MICU1: variants seen among roughly 807,000 people sequenced by gnomAD.
The protein encoded by MICU1 is calcium uptake protein 1, mitochondrial.
Under a neutral mutation model 56.8 loss-of-function variants are expected in MICU1, and 45 were observed. The observed-to-expected ratio is 0.79, with a 90% CI of 0.62 to 1.02. The LOEUF (loss-of-function observed/expected upper bound fraction) is 1.02, where lower values mean the gene tolerates loss of function less well. Among genes scored for constraint, MICU1 ranks in the 50% least tolerant of loss-of-function variants. The pLI is 0.00. For synonymous variants in MICU1, 186 were observed against 195.1 expected (o/e 0.95, Z 0.39); for missense variants, 504 against 587.1 (o/e 0.86, Z 1.46).
intron 1 of MICU1, among the ~76,000 whole-genome samples, chr10:72,594,925 C>CA (rs57504317): frequency 1.9e-3 from 95 of 50,744 alleles, no homozygotes; most frequent in African/African-American, 3.8e-3. Flanking sequence ...AAGTACAATC[C>CA]AAAAAAAAAA....
At chr10:72,595,623 C>T (rs1589376462) in intron 1 of MICU1, among the ~76,000 whole-genome samples, 1 of 152,264 alleles carries the variant, frequency 6.6e-6, no homozygotes, top group Middle Eastern at 3.4e-3. Context: ...TTCTTCCACA[C>T]TTCTGACTAC....
intron 1 of MICU1, among the ~76,000 whole-genome samples, chr10:72,605,215 C>T (rs1488670478): frequency 6.6e-6 from 1 of 152,116 alleles, no homozygotes; most frequent in African/African-American, 2.4e-5. Context: ...AACGCATTAG[C>T]ATGCTAAAAG....
intron 6 of MICU1, among the ~76,000 whole-genome samples, chr10:72,507,260 T>C (rs1426692748): frequency 6.6e-6 from 1 of 152,086 alleles, no homozygotes; most frequent in African/African-American, 2.4e-5. Context: ...TGGAGAGCTA[T>C]GAACATAACA....
intron 6 of MICU1, among the ~76,000 whole-genome samples, chr10:72,498,593 A>C (rs1180201601): frequency 6.6e-6 from 1 of 152,126 alleles, no homozygotes; most frequent in Non-Finnish European, 1.5e-5. Flanking sequence ...ATCAAAAAAG[A>C]AAGAAAGAAA....
chr10:72,610,021 GC>G (rs1241833412), intron 1 of MICU1, among the ~76,000 whole-genome samples: 2 of 151,402 alleles, frequency 1.3e-5, no homozygotes, highest in Admixed American at 6.6e-5. Flanking sequence ...GAGCGACAGA[GC>G]GAGACTCCAT....
chr10:72,439,555 A>T (rs1194273373), intron 8 of MICU1, among the ~76,000 whole-genome samples: 2 of 151,918 alleles, frequency 1.3e-5, no homozygotes, highest in East Asian at 3.9e-4. Flanking sequence ...GGCCAGGGCA[A>T]TCAAGCAAGA....
chr10:72,577,808 T>C (rs780092065), intron 1 of MICU1, among the ~76,000 whole-genome samples: 8 of 152,228 alleles, frequency 5.3e-5, no homozygotes, highest in Non-Finnish European at 7.3e-5. Context: ...AGTTCATCCA[T>C]GTTCATACAG....
At chr10:72,458,166 CA>C (rs111890564) in intron 8 of MICU1, among the ~76,000 whole-genome samples, 167 of 116,756 alleles carry the variant, frequency 1.4e-3, no homozygotes, top group Middle Eastern at 5.0e-3. Context: ...AAATCCATCT[CA>C]AAAAAAAAAA....
intron 4 of MICU1, among the ~76,000 whole-genome samples, chr10:72,547,115 G>C (rs557806442): frequency 7.9e-5 from 12 of 151,948 alleles, no homozygotes; most frequent in African/African-American, 2.4e-4. Context: ...GGATGGTCTC[G>C]ATCTCCTGAC....
chr10:72,605,684 G>T (rs928807344), intron 1 of MICU1, among the ~76,000 whole-genome samples: 2 of 152,182 alleles, frequency 1.3e-5, no homozygotes, highest in Non-Finnish European at 2.9e-5. Context: ...GTTTAGAGAT[G>T]ATTTAAAGTA....
intron 4 of MICU1, among the ~76,000 whole-genome samples, chr10:72,540,055 G>T (rs1839731987): frequency 1.3e-5 from 2 of 151,960 alleles, no homozygotes; most frequent in African/African-American, 4.8e-5. Flanking sequence ...ATCACCTGAG[G>T]TCAGGAGTTC....
At chr10:72,504,190 G>A (rs367596090) in intron 6 of MICU1, among the ~76,000 whole-genome samples, 3 of 152,086 alleles carry the variant, frequency 2.0e-5, no homozygotes, top group East Asian at 3.9e-4. Context: ...AATCCTAAGC[G>A]AAAAGAGGAA....
At chr10:72,415,456 C>G (rs1737978408) in intron 9 of MICU1, among the ~76,000 whole-genome samples, 2 of 152,174 alleles carry the variant, frequency 1.3e-5, no homozygotes, top group African/African-American at 4.8e-5. Context: ...GCCTGTCTTG[C>G]TCTAATAAAG....
At chr10:72,412,693 A>C (rs1863855600) in intron 9 of MICU1, among the ~76,000 whole-genome samples, 1 of 151,894 alleles carries the variant, frequency 6.6e-6, no homozygotes, top group African/African-American at 2.4e-5. Flanking sequence ...CTCTACTAAA[A>C]ATACAAAATT....
chr10:72,509,370 C>G, intron 5 of MICU1: 1 of 1,334,752 alleles, frequency 7.5e-7, no homozygotes, highest in Non-Finnish European at 9.9e-7. Flanking sequence ...ACACCAGCAT[C>G]CAGTTACACA....
intron 7 of MICU1, 29 bp from the exon 8 acceptor site, chr10:72,475,326 A>G (rs1357632835): frequency 5.8e-6 from 9 of 1,541,490 alleles, no homozygotes; most frequent in Non-Finnish European, 7.9e-6. Context: ...CACATCCAGA[A>G]AAATATTAGG....
In MICU1 at chr10:72,589,221, G is replaced by A. The variant is rs368188779; in HGVS notation, c.-1-22427C>T. Among the ~76,000 whole-genome samples the A allele has an allele frequency of 9.8e-4, 149 of 152,070 alleles. 2 individuals carry two copies. In the Middle Eastern group the frequency reaches 0.01, roughly 10 times the overall value. ...GGAGAATTGCTTGAACCCAGGAGGC[G>A]GAGGTTGCAGTGGGCCGAGATTGCG... On this transcript the variant is annotated intron_variant, in intron 1 of 11. Coordinates refer to ENST00000361114, the MANE Select transcript of MICU1 (RefSeq NM_001195518.2).
At chr10:72,407,895 T>C (rs745346878) in intron 10 of MICU1, 34 bp downstream of exon 10, 12 of 1,448,510 alleles carry the variant, frequency 8.3e-6, no homozygotes, top group Non-Finnish European at 1.1e-5. Context: ...CCAATGTTCA[T>C]ACCTTCAAAA....
At chr10:72,376,684 T>C (rs1489590071) in intron 10 of MICU1, among the ~76,000 whole-genome samples, 4 of 151,982 alleles carry the variant, frequency 2.6e-5, no homozygotes, top group African/African-American at 7.2e-5. Flanking sequence ...AGACAGAAAG[T>C]AGATTAGAGG....
Sources: gnomAD v4.1 joint callset for allele counts (sites outside exome capture counted in the v4.1 genomes callset) on GRCh38, gnomAD v4.1.1 for gene constraint, MANE v1.5 for transcripts, NCBI Gene and HGNC (gene_info 2026-07-23, HGNC 2026-07-21) for gene names.